Variants in CR1 observed in about 807,000 individuals in gnomAD.
CR1 encodes the protein complement C3b/C4b receptor 1 (Knops blood group), also known as complement receptor type 1.
A neutral mutation model predicts 187.3 loss-of-function variants in CR1; 116 were observed. The observed-to-expected ratio is 0.62, with a 90% CI of 0.53 to 0.72. The LOEUF (loss-of-function observed/expected upper bound fraction) is 0.72. CR1 is among the 30% of genes least tolerant of loss of function. CR1 has a pLI of 0.00. For synonymous variants in CR1, 576 were observed against 747.1 expected (o/e 0.77, Z 3.73); for missense variants, 1,731 against 2,110.7 (o/e 0.82, Z 3.52).
At chr1:207,620,340 C>T (rs115513476) in intron 43 of CR1, among the ~76,000 whole-genome samples, 1 of 152,160 alleles carries the variant, frequency 6.6e-6, no homozygotes, top group African/African-American at 2.4e-5. Flanking sequence ...AGCCTACGAG[C>T]CTTACAAGAA....
chr1:207,617,198 A>G (rs1662125449), intron 41 of CR1, among the ~76,000 whole-genome samples: 1 of 151,948 alleles, frequency 6.6e-6, no homozygotes, highest in Non-Finnish European at 1.5e-5. Flanking sequence ...AAAAGTACAC[A>G]TTGATGATGT....
chr1:207,617,667 T>G, intron 41 of CR1, among the ~76,000 whole-genome samples: 1 of 94,902 alleles, frequency 1.1e-5, no homozygotes, highest in Non-Finnish European at 2.5e-5. Flanking sequence ...AGAGAGATTG[T>G]ACTCTTAGCC....
intron 33 of CR1, among the ~76,000 whole-genome samples, chr1:207,585,446 G>A (rs1214328992): frequency 6.6e-6 from 1 of 152,196 alleles, no homozygotes; most frequent in South Asian, 2.1e-4. Context: ...CACTCAGGGG[G>A]TAAGAAGCAA....
chr1:207,498,569 T>C (rs1659160648), intron 1 of CR1, among the ~76,000 whole-genome samples: 1 of 152,024 alleles, frequency 6.6e-6, no homozygotes, highest in Non-Finnish European at 1.5e-5. Context: ...TTGCATCATA[T>C]AAAATGCTCA....
chr1:207,578,325 G>A, intron 29 of CR1, 122 bp downstream of exon 29: 1 of 1,568,578 alleles, frequency 6.4e-7, no homozygotes, highest in Non-Finnish European at 8.6e-7. Context: ...TAAGTTTTGG[G>A]GGAAGAAGCA....
chr1:207,593,101 A>C (rs1218961646), intron 35 of CR1, among the ~76,000 whole-genome samples: 1 of 151,802 alleles, frequency 6.6e-6, no homozygotes, highest in Non-Finnish European at 1.5e-5. Flanking sequence ...AAAAAAAAAA[A>C]AACTACTTTA....
At chr1:207,520,519 CTG>C (rs1364097856) in intron 4 of CR1, among the ~76,000 whole-genome samples, 2 of 152,238 alleles carry the variant, frequency 1.3e-5, no homozygotes, top group South Asian at 2.1e-4. Flanking sequence ...CCCCTTCTCT[CTG>C]TCTGTCTCCT....
intron 37 of CR1, among the ~76,000 whole-genome samples, chr1:207,610,409 T>C (rs907466489): frequency 1.3e-5 from 2 of 152,162 alleles, no homozygotes; most frequent in Admixed American, 1.3e-4. Context: ...CATAGTTCAC[T>C]GAAGCCTCTA....
intron 46 of CR1, among the ~76,000 whole-genome samples, chr1:207,636,227 T>C (rs1267231165): frequency 6.6e-6 from 1 of 152,152 alleles, no homozygotes; most frequent in African/African-American, 2.4e-5. Context: ...GTACTTCCGA[T>C]GGTCTTAACC....
At chr1:207,615,685 C>T (rs1447507675) in intron 40 of CR1, among the ~76,000 whole-genome samples, 1 of 152,036 alleles carries the variant, frequency 6.6e-6, no homozygotes, top group Non-Finnish European at 1.5e-5. Context: ...TTATAGAAAT[C>T]AATTTGGATA....
intron 4 of CR1, among the ~76,000 whole-genome samples, chr1:207,516,689 A>G (rs910873539): frequency 5.3e-5 from 8 of 152,172 alleles, no homozygotes; most frequent in Non-Finnish European, 1.5e-5. Flanking sequence ...TTGTTAATGT[A>G]CATTATAGAA....
chr1:207,619,376 C>CAAAA (rs67078800), intron 42 of CR1, among the ~76,000 whole-genome samples: 2 of 92,632 alleles, frequency 2.2e-5, no homozygotes, highest in Non-Finnish European at 4.4e-5. Flanking sequence ...CAGTGAGACT[C>CAAAA]AAAAAAAAAA....
At chr1:207,518,867 C>T (rs955279606) in intron 4 of CR1, among the ~76,000 whole-genome samples, 1 of 152,192 alleles carries the variant, frequency 6.6e-6, no homozygotes, top group African/African-American at 2.4e-5. Context: ...TCACAGGTTT[C>T]AGAGATCAGG....
chr1:207,506,876 C>A, intron 3 of CR1, 63 bp downstream of exon 3: 2 of 1,311,320 alleles, frequency 1.5e-6, no homozygotes, highest in Non-Finnish European at 2.2e-6. Flanking sequence ...GCCTTACTAC[C>A]TTCTAGTCAC....
intron 4 of CR1, 146 bp from the exon 5 acceptor site, chr1:207,523,465 A>G: frequency 7.2e-7 from 1 of 1,395,404 alleles, no homozygotes; most frequent in Non-Finnish European, 9.7e-7. Context: ...CATTGAAGCT[A>G]CAACTTTATA....
chr1:207,623,768 G>A (rs1662393211), intron 45 of CR1, among the ~76,000 whole-genome samples: 1 of 152,060 alleles, frequency 6.6e-6, no homozygotes, highest in South Asian at 2.1e-4. Context: ...TCTAAGCCCA[G>A]ATCCTATCAT....
intron 1 of CR1, among the ~76,000 whole-genome samples, chr1:207,501,366 G>T (rs891588113): frequency 1.3e-5 from 2 of 152,156 alleles, no homozygotes; most frequent in East Asian, 1.9e-4. Context: ...TAATCGAATT[G>T]TACACTTCAA....
intron 39 of CR1, among the ~76,000 whole-genome samples, chr1:207,612,981 A>G (rs1482836906): frequency 6.6e-6 from 1 of 152,188 alleles, no homozygotes; most frequent in African/African-American, 2.4e-5. Context: ...CTGTCGCCCC[A>G]CATCTCCTGT....
Position 207,563,297 on chromosome 1 carries a change from A to G in CR1, c.3587-567A>G, listed in dbSNP as rs1164610520. 5.2e-5 allele frequency among the ~76,000 whole-genome samples: 2 copies of G among 38,322 alleles called. 1 individual carries two copies. The highest frequency in any genetic ancestry group is 1.0e-4 in the Non-Finnish European group (2 of 19,600). 25.1% of individuals were successfully genotyped at this position (38,322 alleles called of 152,430 possible). On this transcript the variant is annotated intron_variant, in intron 21 of 46. Coordinates refer to ENST00000367049, the MANE Select transcript of CR1 (RefSeq NM_000651.6). ...TGAATGACTAGGCAGCACCTGCTAC[A>G]TAGCATGAAGAGAGGAGACCCATAG...
Sources: allele counts gnomAD v4.1 joint callset (sites outside exome capture counted in the v4.1 genomes callset), GRCh38; gene constraint gnomAD v4.1.1; transcripts MANE v1.5; gene names NCBI Gene and HGNC (gene_info 2026-07-23, HGNC 2026-07-21).